LRRC58: variants seen among roughly 807,000 people sequenced by gnomAD.
The protein encoded by LRRC58 is leucine rich repeat containing 58.
A neutral mutation model predicts 30.6 loss-of-function variants in LRRC58; 18 were observed. The ratio of observed to expected loss-of-function variants is 0.59; its 90% CI spans 0.41 to 0.87. The LOEUF (loss-of-function observed/expected upper bound fraction) is 0.87, where lower values mean the gene tolerates loss of function less well. LRRC58 is among the 40% of genes least tolerant of loss of function. LRRC58 has a pLI of 0.00. For synonymous variants in LRRC58, 221 were observed against 206.0 expected, an observed-to-expected ratio of 1.07 and a Z score of -0.62; for missense variants, 420 against 468.4, an observed-to-expected ratio of 0.90 and a Z score of 0.95.
intron 1 of LRRC58, among the ~76,000 whole-genome samples, chr3:120,348,354 C>G (rs1422193087): frequency 1.3e-5 from 2 of 152,138 alleles, no homozygotes; most frequent in African/African-American, 4.8e-5. Flanking sequence ...ATCAGAGCAC[C>G]TTGTACGCCA....
rs1935653858 is a variant in LRRC58, at chr3:120,324,985, C to T, written c.*6215G>A. ...CCAAGTAAAAGTATGTTTTCAGTACCCTTCGTTAATACTTTGACATCCCAA... is the reference window on the plus strand; with the variant it reads ...CCAAGTAAAAGTATGTTTTCAGTACTCTTCGTTAATACTTTGACATCCCAA... On this transcript the variant is annotated 3_prime_UTR_variant, in exon 4 of 4. Transcript: ENST00000295628. 6.6e-6 allele frequency: 1 copy of T among 151,936 alleles called. No individual in the cohort carries two copies. Among genetic ancestry groups the T allele is most frequent in the African/African-American group, 2.4e-5 (1 of 41,372 alleles). 9.4% of individuals were successfully genotyped at this position (151,936 alleles called of 1,614,324 possible).
At position 120,335,811 on chromosome 3, in the gene LRRC58, C is replaced by G; in HGVS notation, c.629+14G>C. On this transcript the variant is annotated intron_variant, in intron 2 of 3. Transcript: ENST00000295628. ...TAGATGTCTGCGTATATACAAATGC[C>G]TGGAACTACTCACTGTGAAAGTTGA... is the stretch of plus-strand genomic sequence containing the variant. The G allele has an allele frequency of 6.2e-7, 1 of 1,605,370 alleles. No homozygotes were observed.
intron 3 of LRRC58, 117 bp downstream of exon 3, chr3:120,334,745 T>C (rs1935810846): frequency 1.0e-6 from 1 of 977,234 alleles, no homozygotes; most frequent in African/African-American, 1.7e-5. Context: ...GTCTTTCTCA[T>C]AAATGAGTGA....
intron 1 of LRRC58, among the ~76,000 whole-genome samples, chr3:120,341,411 G>A (rs1359099619): frequency 6.6e-6 from 1 of 152,110 alleles, no homozygotes; most frequent in Non-Finnish European, 1.5e-5. Context: ...ATAGTCTAGA[G>A]AGGGAGAAAA....
chr3:120,325,567 A>T lies in LRRC58; in HGVS notation c.*5633T>A, dbSNP rs1935662503. ...TATTGCCCTGTGAGTGTTCAATAAT[A>T]TGTAGAGTTCATTAGTGAACTGTTT... On this transcript the variant is annotated 3_prime_UTR_variant, in exon 4 of 4. Coordinates refer to ENST00000295628, the MANE Select transcript of LRRC58 (RefSeq NM_001099678.2). The T allele has an allele frequency of 6.6e-6, 1 of 152,222 alleles. No individual in the cohort carries two copies. The highest frequency in any genetic ancestry group is 6.5e-5 in the Admixed American group (1 of 15,284). 9.4% of individuals were successfully genotyped at this position (152,222 alleles called of 1,614,324 possible).
intron 1 of LRRC58, 28 bp from the exon 2 acceptor site, chr3:120,335,981 A>G (rs1935830191): frequency 5.4e-6 from 8 of 1,477,196 alleles, no homozygotes; most frequent in Non-Finnish European, 6.5e-6. Context: ...CAAAACCAAA[A>G]AAGTAAATAA....
rs1277952380 is a variant in LRRC58, at chr3:120,328,731, T to C, written c.*2469A>G. 1 of 152,096 alleles carries C rather than the reference T, an allele frequency of 6.6e-6. No individual in the cohort carries two copies. Among genetic ancestry groups the C allele is most frequent in the African/African-American group, 2.4e-5 (1 of 41,434 alleles). The allele number at this position is 152,096 out of a possible 1,614,324, so 9.4% of individuals were successfully genotyped here. A position where few individuals can be genotyped will look rare whatever the true frequency, so the allele number is the denominator to read the frequency against. On this transcript the variant is annotated 3_prime_UTR_variant, in exon 4 of 4. Transcript: ENST00000295628. ...CAATCAGTTATGAGAAAAGGAAAGG[T>C]AGGAAAAAGAAACAGGGAAAATCTT...
At chr3:120,342,446 G>T (rs1935916123) in intron 1 of LRRC58, among the ~76,000 whole-genome samples, 1 of 152,182 alleles carries the variant, frequency 6.6e-6, no homozygotes, top group Non-Finnish European at 1.5e-5. Context: ...TCTAAGCTGA[G>T]AGCTACAGAG....
intron 1 of LRRC58, among the ~76,000 whole-genome samples, chr3:120,336,790 A>G (rs1268925796): frequency 6.7e-6 from 1 of 150,290 alleles, no homozygotes; most frequent in Non-Finnish European, 1.5e-5. Context: ...GCTTCCTTCA[A>G]AAGATTTTTG....
chr3:120,327,247 C>CTTTTTTTTTTTT lies in LRRC58; in HGVS notation c.*3941_*3952dup, dbSNP rs66631816. 25 of 96,694 alleles carry CTTTTTTTTTTTT rather than the reference C, an allele frequency of 2.6e-4. No individual in the cohort carries two copies. Among genetic ancestry groups the CTTTTTTTTTTTT allele is most frequent in the African/African-American group, 4.1e-4 (10 of 24,642 alleles). The allele number at this position is 96,694 out of a possible 1,614,324, so 6.0% of individuals were successfully genotyped here. A position where few individuals can be genotyped will look rare whatever the true frequency, so the allele number is the denominator to read the frequency against. ...CTAGCCCTGTGGCTTCTAAAGATTT[C>CTTTTTTTTTTTT]TTTTTTTTTTTTTTTTTTTTTTGAG... On this transcript the variant is annotated 3_prime_UTR_variant, in exon 4 of 4. Transcript: ENST00000295628.
Position 120,348,607 on chromosome 3 carries a change from C to T in LRRC58, c.500+137G>A, listed in dbSNP as rs1404839519. 4.0e-6 allele frequency: 4 copies of T among 999,036 alleles called. No individual in the cohort carries two copies. The East Asian group carries it at 1.2e-4, about 30-fold the overall frequency. 61.9% of individuals were successfully genotyped at this position (999,036 alleles called of 1,614,324 possible). A position where few individuals can be genotyped will look rare whatever the true frequency, so the allele number is the denominator to read the frequency against. ...ACAACAACTTGCTGAGATGGTTGGG[C>T]AGAACTCACTACCGCACAGTTAAAG... On this transcript the variant is annotated intron_variant, in intron 1 of 3. Transcript: ENST00000295628.
chr3:120,342,233 G>T (rs75248627), intron 1 of LRRC58, among the ~76,000 whole-genome samples: 1 of 152,160 alleles, frequency 6.6e-6, no homozygotes, highest in Non-Finnish European at 1.5e-5. Flanking sequence ...TGAAGGCTGG[G>T]GGCCAAGCTG....
intron 1 of LRRC58, among the ~76,000 whole-genome samples, chr3:120,341,111 T>G (rs775981131): frequency 1.3e-5 from 2 of 152,218 alleles, no homozygotes; most frequent in Non-Finnish European, 2.9e-5. Flanking sequence ...CTACTGCAAG[T>G]GCTTAAGCAT....
rs1011135613 is a variant in LRRC58, at chr3:120,329,565, T to C, written c.*1635A>G. On this transcript the variant is annotated 3_prime_UTR_variant, in exon 4 of 4. Transcript: ENST00000295628. ...TCATGAAACTCTCATGTTTCATGAA[T>C]TAATATACAAATAAACACATAAACC... 1 of 152,060 alleles carries C rather than the reference T, an allele frequency of 6.6e-6. No individual in the cohort carries two copies. Among genetic ancestry groups the C allele is most frequent in the Non-Finnish European group, 1.5e-5 (1 of 67,928 alleles). The allele number at this position is 152,060 out of a possible 1,614,324, so 9.4% of individuals were successfully genotyped here.
intron 3 of LRRC58, among the ~76,000 whole-genome samples, chr3:120,331,898 G>C (rs1489394376): frequency 6.6e-6 from 1 of 152,208 alleles, no homozygotes; most frequent in African/African-American, 2.4e-5. Context: ...AAAATTTAAA[G>C]AAATAAATGC....
intron 1 of LRRC58, among the ~76,000 whole-genome samples, chr3:120,342,094 C>T (rs948942041): frequency 1.2e-4 from 18 of 151,898 alleles, no homozygotes; most frequent in Non-Finnish European, 2.1e-4. Context: ...CTCCAGCCCC[C>T]GCTCCCATCT....
intron 3 of LRRC58, among the ~76,000 whole-genome samples, chr3:120,331,995 C>T (rs1302141067): frequency 1.3e-5 from 2 of 152,136 alleles, no homozygotes; most frequent in African/African-American, 4.8e-5. Context: ...AATTACACAT[C>T]GTCAGGTAAA....
At chr3:120,337,537 T>C (rs996965119) in intron 1 of LRRC58, among the ~76,000 whole-genome samples, 3 of 152,208 alleles carry the variant, frequency 2.0e-5, no homozygotes, top group African/African-American at 4.8e-5. Context: ...TCTGCATAAC[T>C]TTGTTCCTTT....
chr3:120,348,303 G>C (rs1237837834), intron 1 of LRRC58, among the ~76,000 whole-genome samples: 1 of 152,212 alleles, frequency 6.6e-6, no homozygotes, highest in African/African-American at 2.4e-5. Context: ...TACTGCCACA[G>C]AGAAGAGGAA....
Sources: allele counts gnomAD v4.1 joint callset (sites outside exome capture counted in the v4.1 genomes callset), GRCh38; gene constraint gnomAD v4.1.1; transcripts MANE v1.5; gene names NCBI Gene and HGNC (gene_info 2026-07-23, HGNC 2026-07-21).